Variants in ERC2 observed in about 807,000 individuals in gnomAD.
ERC2 encodes the protein ERC protein 2.
Under a neutral mutation model 114.8 loss-of-function variants are expected in ERC2, and 42 were observed. The observed-to-expected ratio is 0.37, with a 90% confidence interval of 0.29 to 0.47. The LOEUF is 0.47. Among genes scored for constraint, ERC2 ranks in the 20% least tolerant of loss-of-function variants. ERC2 has a pLI of 0.99. For synonymous variants in ERC2, 454 were observed against 425.5 expected (o/e 1.07, Z -0.82); for missense variants, 939 against 1,150.7 (o/e 0.82, Z 2.66).
chr3:56,163,940 G>C (rs1341927106), intron 4 of ERC2, among the ~76,000 whole-genome samples: 4 of 152,014 alleles, frequency 2.6e-5, no homozygotes, highest in African/African-American at 9.7e-5. Context: ...AGTTTTGATT[G>C]TGTGGTTCCT....
intron 14 of ERC2, among the ~76,000 whole-genome samples, chr3:55,814,927 T>C (rs2059853431): frequency 6.6e-6 from 1 of 152,194 alleles, no homozygotes; most frequent in African/African-American, 2.4e-5. Context: ...TTTAAGTCTA[T>C]GGTCTAGACA....
At chr3:56,259,181 A>G (rs1377405592) in intron 3 of ERC2, among the ~76,000 whole-genome samples, 1 of 152,046 alleles carries the variant, frequency 6.6e-6, no homozygotes, top group Non-Finnish European at 1.5e-5. Flanking sequence ...CATGTTGATC[A>G]GGCTGGTCTT....
chr3:56,169,031 G>T (rs138559474), intron 4 of ERC2, among the ~76,000 whole-genome samples: 1 of 152,140 alleles, frequency 6.6e-6, no homozygotes, highest in Admixed American at 6.6e-5. Flanking sequence ...CTCGCTGACC[G>T]TGGGACTGGA....
chr3:55,822,983 C>A (rs1033015033), intron 14 of ERC2, among the ~76,000 whole-genome samples: 1 of 152,132 alleles, frequency 6.6e-6, no homozygotes, highest in Admixed American at 6.6e-5. Context: ...TTTCTTCATT[C>A]GCCAATCACA....
chr3:55,909,655 C>T (rs1046976600), intron 13 of ERC2, among the ~76,000 whole-genome samples: 1 of 152,088 alleles, frequency 6.6e-6, no homozygotes, highest in Non-Finnish European at 1.5e-5. Flanking sequence ...CTATCTTTGG[C>T]ACGGACCCTG....
chr3:55,920,447 C>CACACACCCCCA (rs59688935), intron 13 of ERC2, among the ~76,000 whole-genome samples: 2 of 139,620 alleles, frequency 1.4e-5, no homozygotes, highest in African/African-American at 5.8e-5. Context: ...CACACACACA[C>CACACACCCCCA]CCCAAGTGAG....
chr3:56,043,348 A>G (rs1176989798), intron 7 of ERC2, among the ~76,000 whole-genome samples: 1 of 152,216 alleles, frequency 6.6e-6, no homozygotes, highest in Admixed American at 6.5e-5. Context: ...GAAAATGATT[A>G]AGAATTTTTT....
chr3:55,617,435 T>A (rs2059166198), intron 17 of ERC2, among the ~76,000 whole-genome samples: 1 of 152,220 alleles, frequency 6.6e-6, no homozygotes, highest in Non-Finnish European at 1.5e-5. Context: ...CCTCCAGCGT[T>A]TTGGCAAGGC....
rs150184069 is a variant in ERC2, at chr3:55,616,509, C to CAT, written c.*39+67283_*39+67284dup. ...TCACTGGACTGTGTAAATATACACA[C>CAT]ATATATATATATACACTACATATAT... On this transcript the variant is annotated intron_variant, in intron 17 of 17. Transcript: ENST00000288221. Among the ~76,000 whole-genome samples the CAT allele has an allele frequency of 6.4e-4, 97 of 150,970 alleles. 1 individual carries two copies. The highest frequency in any genetic ancestry group is 1.2e-3 in the East Asian group (6 of 5,152).
intron 10 of ERC2, chr3:56,003,236 C>T (rs1270345163): frequency 1.2e-5 from 9 of 765,472 alleles, no homozygotes; most frequent in Admixed American, 1.1e-4. Flanking sequence ...TTCGCACAGA[C>T]GAGTTGGTTG....
intron 3 of ERC2, among the ~76,000 whole-genome samples, chr3:56,239,718 G>A (rs1280175763): frequency 2.6e-5 from 4 of 152,042 alleles, no homozygotes; most frequent in Non-Finnish European, 5.9e-5. Flanking sequence ...CTTACTACGC[G>A]CACTGCTTAA....
rs191803099 is a variant in ERC2 at position 55,731,230 on chromosome 3, T to C, written c.2712+3541A>G. Among the ~76,000 whole-genome samples, 352 of 152,354 alleles carry C rather than the reference T, an allele frequency of 2.3e-3. 1 individual carries two copies. Among genetic ancestry groups the C allele is most frequent in the African/African-American group, 8.2e-3 (340 of 41,582 alleles). The stretch of plus-strand genomic sequence containing the variant: ...CAGGAAGCTTAGGTGTCAACATCTA[T>C]CTGCTCTTTCTGCCACAGTTGCCAC... On this transcript the variant is annotated intron_variant, in intron 15 of 17. Coordinates refer to ENST00000288221, the MANE Select transcript of ERC2 (RefSeq NM_015576.3).
At chr3:55,761,116 C>G (rs1011215813) in intron 14 of ERC2, among the ~76,000 whole-genome samples, 6 of 152,162 alleles carry the variant, frequency 3.9e-5, no homozygotes, top group Non-Finnish European at 7.3e-5. Flanking sequence ...ACTGATAATA[C>G]AAACGAAAGG....
intron 15 of ERC2, among the ~76,000 whole-genome samples, chr3:55,725,549 G>A (rs146059082): frequency 2.7e-4 from 41 of 152,266 alleles, no homozygotes; most frequent in Non-Finnish European, 5.0e-4. Context: ...TATCTTTCAT[G>A]AGCTAGTATC....
intron 14 of ERC2, among the ~76,000 whole-genome samples, chr3:55,859,832 T>G (rs751467467): frequency 3.8e-4 from 58 of 151,898 alleles, no homozygotes; most frequent in Non-Finnish European, 6.5e-4. Flanking sequence ...ATGGAAGATC[T>G]TTAGTACAGA....
intron 14 of ERC2, among the ~76,000 whole-genome samples, chr3:55,813,721 T>G (rs549026671): frequency 1.3e-5 from 2 of 152,332 alleles, no homozygotes; most frequent in South Asian, 2.1e-4. Context: ...GTTCAGCATG[T>G]GTAAATAGTT....
At position 55,578,310 on chromosome 3, in the gene ERC2, C is replaced by T. The variant is rs559681838; in HGVS notation, c.*40-67034G>A. ...AGGACTCCATGAGGTCTGGTCCCTG[C>T]GACTCTCCCAGACCTTTTCTCTTAC... On this transcript the variant is annotated intron_variant, in intron 17 of 17. Coordinates refer to ENST00000288221, the MANE Select transcript of ERC2 (RefSeq NM_015576.3). Among the ~76,000 whole-genome samples the T allele has an allele frequency of 3.3e-5, 5 of 152,290 alleles. No individual in the cohort carries two copies. The East Asian group carries it at 5.8e-4, about 18-fold the overall frequency.
At chr3:55,759,462 T>TAAA (rs540204065) in intron 14 of ERC2, among the ~76,000 whole-genome samples, 20 of 36,074 alleles carry the variant, frequency 5.5e-4, no homozygotes, top group African/African-American at 1.8e-3. Context: ...TCTCTTTCAT[T>TAAA]AAAAAAAAAA....
intron 17 of ERC2, among the ~76,000 whole-genome samples, chr3:55,606,256 G>A (rs2058637059): frequency 6.6e-6 from 1 of 152,304 alleles, no homozygotes; most frequent in Non-Finnish European, 1.5e-5. Flanking sequence ...TAGGGAAGGA[G>A]CTGGTTAGGT....
Sources: gnomAD v4.1 joint callset for allele counts (sites outside exome capture counted in the v4.1 genomes callset) on GRCh38, gnomAD v4.1.1 for gene constraint, MANE v1.5 for transcripts, NCBI Gene and HGNC (gene_info 2026-07-23, HGNC 2026-07-21) for gene names.